The following WNT9A variants were observed in gnomAD, a reference collection of about 807,000 sequenced individuals.
WNT9A encodes protein Wnt-9a.
A neutral mutation model predicts 31.4 loss-of-function variants in WNT9A; 8 were observed. That is an observed-to-expected ratio of 0.26 (90% CI 0.15 to 0.46). The LOEUF (loss-of-function observed/expected upper bound fraction) is 0.46, where lower values mean the gene tolerates loss of function less well. Among genes scored for constraint, WNT9A ranks in the 20% least tolerant of loss-of-function variants. The pLI, the probability that WNT9A is intolerant of heterozygous loss-of-function variation, is 0.99. For synonymous variants in WNT9A, 236 were observed against 220.1 expected (o/e 1.07, Z -0.64); for missense variants, 457 against 522.9 (o/e 0.87, Z 1.23).
chr1:227,919,755 G>T lies in WNT9A; in HGVS notation c.*1763C>A, dbSNP rs564935782. 1 of 146,736 alleles carries T rather than the reference G, an allele frequency of 6.8e-6. No homozygotes were observed. The highest frequency in any genetic ancestry group is 2.6e-5 in the African/African-American group (1 of 38,718). 9.1% of individuals were successfully genotyped at this position (146,736 alleles called of 1,614,324 possible). On this transcript the variant is annotated 3_prime_UTR_variant, in exon 4 of 4. Transcript: ENST00000272164. ...GCCAGCATGCATTTATACAACACAC[G>T]CTTACACACATTGACCACGCCAGCA...
intron 1 of WNT9A, among the ~76,000 whole-genome samples, chr1:227,933,164 T>C (rs1262212315): frequency 6.6e-6 from 1 of 152,246 alleles, no homozygotes; most frequent in African/African-American, 2.4e-5. Context: ...CCTTCATCAT[T>C]GATCTTAGCT....
intron 3 of WNT9A, among the ~76,000 whole-genome samples, chr1:227,923,931 C>T (rs1320801930): frequency 2.0e-5 from 3 of 152,122 alleles, no homozygotes; most frequent in African/African-American, 4.8e-5. Context: ...GCTAGTGCCC[C>T]GTTTGGTGGG....
chr1:227,922,540 T>C (rs1225641713), intron 3 of WNT9A, among the ~76,000 whole-genome samples: 4 of 152,286 alleles, frequency 2.6e-5, no homozygotes, highest in African/African-American at 9.6e-5. Flanking sequence ...GTCAGCCTGC[T>C]GGGGGGCCAG....
chr1:227,927,878 G>A (rs533065875), intron 1 of WNT9A, among the ~76,000 whole-genome samples: 5 of 152,124 alleles, frequency 3.3e-5, no homozygotes, highest in African/African-American at 1.2e-4. Flanking sequence ...CAGGGGACAG[G>A]GGGAGGGGAG....
At chr1:227,931,346 C>A (rs1666507612) in intron 1 of WNT9A, among the ~76,000 whole-genome samples, 1 of 152,206 alleles carries the variant, frequency 6.6e-6, no homozygotes, top group African/African-American at 2.4e-5. Context: ...GCTCTTCCCA[C>A]TGAGTTTCAG....
chr1:227,947,802 G>C lies in WNT9A; in HGVS notation c.86C>G (p.Ala29Gly). The stretch of plus-strand genomic sequence containing the variant: ...CGCCGAAGGCACCTACCCGAAGTAG[G>C]CGGCCGAAGGGCGCAGCGCGGCGAG... ...LLLAALRPSA[A>G]YFGLTGSEPL... Residue 29 changes from alanine to glycine, a missense_variant, in exon 1 of 4, where the codon GCC (alanine) becomes GGC (glycine). Physicochemically the swap from Ala to Gly is moderately conservative, Grantham distance 60 (BLOSUM62 0). Coordinates refer to ENST00000272164, the MANE Select transcript of WNT9A (RefSeq NM_003395.4). 9.1e-7 allele frequency: 1 copy of C among 1,098,770 alleles called. No individual in the cohort carries two copies. The highest frequency in any genetic ancestry group is 1.1e-6 in the Non-Finnish European group (1 of 903,158). The allele number at this position is 1,098,770 out of a possible 1,614,324, so 68.1% of individuals were successfully genotyped here.
chr1:227,924,159 G>A lies in WNT9A; in HGVS notation c.594C>T (p.His198=), dbSNP rs1260609116. Reference sequence around the variant, plus strand: ...TTGCCTTCACACCCACGAGGTTGTTGTGGAAGTCCACACGGGCTCGCAGAT... The same window carrying A: ...TTGCCTTCACACCCACGAGGTTGTTATGGAAGTCCACACGGGCTCGCAGAT... ...SKDLRARVDF[H]NNLVGVKVIK... is the part of the protein sequence containing the mutation. Residue 198 remains histidine (H), a synonymous_variant, in exon 3 of 4, where the codon CAC becomes CAT. Coordinates refer to ENST00000272164, the MANE Select transcript of WNT9A (RefSeq NM_003395.4). 3.8e-6 allele frequency: 5 copies of A among 1,332,298 alleles called. No individual in the cohort carries two copies. In the Middle Eastern group the frequency reaches 6.3e-4, roughly 169 times the overall value. 82.5% of individuals were successfully genotyped at this position (1,332,298 alleles called of 1,614,324 possible).
In WNT9A at chr1:227,921,757, G is replaced by A. The variant is rs1188091358; in HGVS notation, c.859C>T (p.Pro287Ser). The change falls in exon 4 of 4, where the codon CCA (proline) becomes TCA (serine). Residue 287 changes from proline to serine, a missense_variant. Coordinates refer to ENST00000272164, the MANE Select transcript of WNT9A (RefSeq NM_003395.4). ...GAGTCATCCAGGTGCACCAGCTCTG[G>A]AGTGCGGGGCAGCGGGTCGCTGCCA... ...AGGSDPLPRTPELVHLDDSPS... is the reference protein window; with the variant it reads ...AGGSDPLPRTSELVHLDDSPS... 3 of 1,612,536 alleles carry A rather than the reference G, an allele frequency of 1.9e-6. No homozygotes were observed. The highest frequency in any genetic ancestry group is 2.5e-6 in the Non-Finnish European group (3 of 1,179,774).
chr1:227,946,681 T>C lies in WNT9A; in HGVS notation c.95+1112A>G, dbSNP rs868154348. On this transcript the variant is annotated intron_variant, in intron 1 of 3. Coordinates refer to ENST00000272164, the MANE Select transcript of WNT9A (RefSeq NM_003395.4). ...AAAGGGAAAGTTTCCCATGAAAATATTTTATTTTCTTTGAGAACAGGATAC... is the reference window on the plus strand; with the variant it reads ...AAAGGGAAAGTTTCCCATGAAAATACTTTATTTTCTTTGAGAACAGGATAC... 2.0e-5 allele frequency among the ~76,000 whole-genome samples: 3 copies of C among 152,236 alleles called. No individual in the cohort carries two copies. The South Asian group carries it at 6.2e-4, about 31-fold the overall frequency.
chr1:227,941,876 G>A (rs1044465688), intron 1 of WNT9A, among the ~76,000 whole-genome samples: 18 of 152,196 alleles, frequency 1.2e-4, no homozygotes, highest in East Asian at 1.9e-4. Flanking sequence ...AGCCCGTGCC[G>A]CAGCTGGGAT....
At chr1:227,946,253 G>A (rs1666791017) in intron 1 of WNT9A, among the ~76,000 whole-genome samples, 1 of 152,272 alleles carries the variant, frequency 6.6e-6, no homozygotes, top group East Asian at 1.9e-4. Context: ...AAAGCCCAGA[G>A]ATAGGTCAGA....
chr1:227,938,435 AT>A (rs1351524203), intron 1 of WNT9A, among the ~76,000 whole-genome samples: 10 of 151,688 alleles, frequency 6.6e-5, no homozygotes, highest in Admixed American at 2.0e-4. Context: ...ATACGAACCC[AT>A]AAACCCATAC....
intron 3 of WNT9A, among the ~76,000 whole-genome samples, chr1:227,923,427 C>T (rs545186903): frequency 6.6e-6 from 1 of 152,290 alleles, no homozygotes; most frequent in South Asian, 2.1e-4. Flanking sequence ...GCCCGGACTC[C>T]CCCAGACATG....
Position 227,942,420 on chromosome 1 carries a change from C to T in WNT9A, c.95+5373G>A, listed in dbSNP as rs535329135. On this transcript the variant is annotated intron_variant, in intron 1 of 3. Coordinates refer to ENST00000272164, the MANE Select transcript of WNT9A (RefSeq NM_003395.4). The surrounding 1 kb of genome is among the most constrained non-coding windows in gnomAD (Gnocchi z 5.7). ...CTGACACTCCAGACCCTCCCACTTA[C>T]GGCCCCACTGTCAGGGAAGCCAAGC... 2.0e-5 allele frequency among the ~76,000 whole-genome samples: 3 copies of T among 152,164 alleles called. No individual in the cohort carries two copies. The highest frequency in any genetic ancestry group is 2.1e-4 in the South Asian group (1 of 4,836).
Position 227,931,568 on chromosome 1 carries a change from T to C in WNT9A, c.96-6049A>G, listed in dbSNP as rs36104676. Among the ~76,000 whole-genome samples the C allele has an allele frequency of 8.7e-3, 1,323 of 152,344 alleles. 9 individuals carry two copies. Among genetic ancestry groups the C allele is most frequent in the Non-Finnish European group, 0.014 (928 of 68,030 alleles). ...GATACACAGGCACACCTTGAAGATG[T>C]TGTAGCTTTGGTTTCAGATCATCGC... On this transcript the variant is annotated intron_variant, in intron 1 of 3. Coordinates refer to ENST00000272164, the MANE Select transcript of WNT9A (RefSeq NM_003395.4).
At chr1:227,943,715 C>A (rs1205646897) in intron 1 of WNT9A, among the ~76,000 whole-genome samples, 1 of 152,232 alleles carries the variant, frequency 6.6e-6, no homozygotes, top group African/African-American at 2.4e-5. Context: ...AGGGCTCACG[C>A]CTGTAACCCC....
Position 227,921,959 on chromosome 1 carries a change from GC to G in WNT9A, c.656del (p.Gly219AlafsTer25). 4.3e-6 allele frequency: 7 copies of G among 1,612,268 alleles called. No homozygotes were observed. Among genetic ancestry groups the G allele is most frequent in the Non-Finnish European group, 5.9e-6 (7 of 1,179,380 alleles). On this transcript the variant is annotated frameshift_variant, in exon 4 of 4. Coordinates refer to ENST00000272164, the MANE Select transcript of WNT9A (RefSeq NM_003395.4). LOFTEE classifies it high-confidence loss of function. Reference sequence around the variant, plus strand: ...TCCGCACCGTGCATGAGCCTGACACGCCGTGGCACTTGCAGGTGGTCTCCAC... The same window carrying G: ...TCCGCACCGTGCATGAGCCTGACACGCGTGGCACTTGCAGGTGGTCTCCAC... ...AGVETTCKCH[G>X]VSGSCTVRTC... is the part of the protein sequence containing the mutation.
chr1:227,927,693 G>C lies in WNT9A; in HGVS notation c.96-2174C>G, dbSNP rs193198002. Among the ~76,000 whole-genome samples, 29 of 152,162 alleles carry C rather than the reference G, an allele frequency of 1.9e-4. 1 individual carries two copies. The East Asian group carries it at 5.0e-3, about 26-fold the overall frequency. On this transcript the variant is annotated intron_variant, in intron 1 of 3. Coordinates refer to ENST00000272164, the MANE Select transcript of WNT9A (RefSeq NM_003395.4). Reference sequence around the variant, plus strand: ...AGGTGGAGACCTCCATCCCCAGACGGAACGCCACAGCTGTGACCAGAACAG... The same window carrying C: ...AGGTGGAGACCTCCATCCCCAGACGCAACGCCACAGCTGTGACCAGAACAG...
At chr1:227,946,925 C>A (rs1558266476) in intron 1 of WNT9A, among the ~76,000 whole-genome samples, 1 of 152,184 alleles carries the variant, frequency 6.6e-6, no homozygotes, top group Non-Finnish European at 1.5e-5. Flanking sequence ...GGGCTCCCAG[C>A]GGCGGCGCTC....
Sources: allele counts gnomAD v4.1 joint callset (sites outside exome capture counted in the v4.1 genomes callset), GRCh38; gene constraint gnomAD v4.1.1; non-coding constraint Gnocchi (gnomAD v3.1); transcripts MANE v1.5; gene names NCBI Gene and HGNC (gene_info 2026-07-23, HGNC 2026-07-21).